Variants in GRM7 observed in about 807,000 individuals in gnomAD.
GRM7 encodes glutamate metabotropic receptor 7, also known as metabotropic glutamate receptor 7.
GRM7 carries 35 observed loss-of-function variants against 84.5 expected under a neutral mutation model. The observed-to-expected ratio is 0.41, with a 90% CI of 0.32 to 0.55. The LOEUF (loss-of-function observed/expected upper bound fraction) is 0.55. Ranked by LOEUF, GRM7 falls within the 20% of genes least tolerant of loss-of-function variation. The probability of loss-of-function intolerance (pLI) is 0.19; values close to 1 mark genes in which losing one functional copy is unlikely to be tolerated. For missense variants in GRM7, 1,003 were observed against 1,194.6 expected (o/e 0.84, Z 2.36); for synonymous variants, 487 against 455.1 (o/e 1.07, Z -0.89).
chr3:7,428,558 T>G (rs3792484), intron 5 of GRM7, among the ~76,000 whole-genome samples: 50,240 of 152,066 alleles, frequency 0.33, 9,629 homozygotes, highest in Non-Finnish European at 0.45. Context: ...GCTCATGATA[T>G]CACTTGGGTT....
intron 1 of GRM7, among the ~76,000 whole-genome samples, chr3:7,055,289 A>C (rs1402696340): frequency 6.6e-6 from 1 of 151,798 alleles, no homozygotes; most frequent in Non-Finnish European, 1.5e-5. Flanking sequence ...GTTAATACCA[A>C]TAACTATTCT....
intron 1 of GRM7, among the ~76,000 whole-genome samples, chr3:7,080,717 A>G (rs1698249305): frequency 6.6e-6 from 1 of 151,354 alleles, no homozygotes; most frequent in African/African-American, 2.4e-5. Flanking sequence ...GTATTTATGT[A>G]TACATACATA....
At chr3:6,913,823 A>G (rs1461356093) in intron 1 of GRM7, among the ~76,000 whole-genome samples, 1 of 152,192 alleles carries the variant, frequency 6.6e-6, no homozygotes, top group Admixed American at 6.5e-5. Flanking sequence ...AGACAACCAG[A>G]CAGAATGATA....
intron 5 of GRM7, among the ~76,000 whole-genome samples, chr3:7,422,249 ACACAAGGCAAC>A (rs999439024): frequency 6.6e-6 from 1 of 152,202 alleles, no homozygotes; most frequent in Non-Finnish European, 1.5e-5. Context: ...TGTTCCCATA[ACACAAGGCAAC>A]CACAATATAT....
chr3:7,287,528 T>C (rs1699472595), intron 2 of GRM7, among the ~76,000 whole-genome samples: 1 of 152,186 alleles, frequency 6.6e-6, no homozygotes, highest in Admixed American at 6.6e-5. Flanking sequence ...CTAGCATCTT[T>C]GTTTACCTGT....
chr3:6,900,518 G>T (rs1357349736), intron 1 of GRM7, among the ~76,000 whole-genome samples: 2 of 152,020 alleles, frequency 1.3e-5, no homozygotes, highest in Non-Finnish European at 2.9e-5. Context: ...GCCCTGAATA[G>T]GCAGGATAAA....
intron 1 of GRM7, among the ~76,000 whole-genome samples, chr3:7,131,684 G>A (rs1693605313): frequency 6.6e-6 from 1 of 151,846 alleles, no homozygotes. Flanking sequence ...TCACCATGTT[G>A]GCCAGGATGG....
intron 1 of GRM7, among the ~76,000 whole-genome samples, chr3:7,004,897 C>G (rs910382818): frequency 1.3e-5 from 2 of 152,176 alleles, no homozygotes; most frequent in African/African-American, 4.8e-5. Context: ...CCACAGACAA[C>G]AGGCAGGCAA....
chr3:7,162,522 A>AAAT (rs1694656452), intron 2 of GRM7, among the ~76,000 whole-genome samples: 1 of 152,058 alleles, frequency 6.6e-6, no homozygotes, highest in Non-Finnish European at 1.5e-5. Flanking sequence ...ATTTTAGGTG[A>AAAT]AATGTTAAGG....
intron 4 of GRM7, among the ~76,000 whole-genome samples, chr3:7,352,060 CACACACACA>C (rs2125092758): frequency 1.4e-5 from 1 of 69,572 alleles, no homozygotes; most frequent in African/African-American, 4.4e-5. Flanking sequence ...ACACACACCA[CACACACACA>C]CACACACACA....
At chr3:7,000,037 T>C (rs1352967674) in intron 1 of GRM7, among the ~76,000 whole-genome samples, 1 of 152,220 alleles carries the variant, frequency 6.6e-6, no homozygotes, top group Non-Finnish European at 1.5e-5. Context: ...TTGGATTCAT[T>C]ATATGCTGTA....
chr3:7,200,916 C>T (rs565641181), intron 2 of GRM7, among the ~76,000 whole-genome samples: 2 of 151,710 alleles, frequency 1.3e-5, no homozygotes, highest in South Asian at 4.2e-4. Context: ...ATATCAGTGG[C>T]CCAGGACTGC....
At chr3:6,962,779 G>C (rs182130634) in intron 1 of GRM7, among the ~76,000 whole-genome samples, 30 of 152,312 alleles carry the variant, frequency 2.0e-4, no homozygotes, top group Admixed American at 1.5e-3. Context: ...CACCAAAGCA[G>C]TGAAGGAGGG....
chr3:7,494,319 A>C (rs888228932), intron 7 of GRM7, among the ~76,000 whole-genome samples: 16 of 152,166 alleles, frequency 1.1e-4, no homozygotes, highest in Non-Finnish European at 2.2e-4. Flanking sequence ...TGTGGTTTCA[A>C]TGAGGAAATA....
chr3:7,332,441 A>G (rs1251993215), intron 4 of GRM7, among the ~76,000 whole-genome samples: 1 of 152,208 alleles, frequency 6.6e-6, no homozygotes, highest in Non-Finnish European at 1.5e-5. Context: ...ACCATATCAA[A>G]TCGTTTTTCC....
At chr3:7,494,688 C>G (rs1699637836) in intron 7 of GRM7, among the ~76,000 whole-genome samples, 1 of 152,162 alleles carries the variant, frequency 6.6e-6, no homozygotes, top group Non-Finnish European at 1.5e-5. Context: ...GATGTGTCCT[C>G]TACTTTACAG....
intron 1 of GRM7, among the ~76,000 whole-genome samples, chr3:7,113,503 G>T (rs1226618639): frequency 6.6e-6 from 1 of 152,070 alleles, no homozygotes; most frequent in Non-Finnish European, 1.5e-5. Context: ...TCTTGCCTGA[G>T]CATCCCAAAG....
chr3:7,100,261 A>T (rs1014516249), intron 1 of GRM7, among the ~76,000 whole-genome samples: 1 of 151,586 alleles, frequency 6.6e-6, no homozygotes, highest in African/African-American at 2.4e-5. Context: ...TTATGAAACA[A>T]CATGGTGTTT....
chr3:6,894,689 A>T (rs563173277), intron 1 of GRM7, among the ~76,000 whole-genome samples: 30 of 152,148 alleles, frequency 2.0e-4, no homozygotes, highest in Non-Finnish European at 3.1e-4. Flanking sequence ...GGAAGATAGG[A>T]TGTAAACTGG....
Sources: allele counts gnomAD v4.1 joint callset (sites outside exome capture counted in the v4.1 genomes callset), GRCh38; gene constraint gnomAD v4.1.1; transcripts MANE v1.5; gene names NCBI Gene and HGNC (gene_info 2026-07-23, HGNC 2026-07-21).